QRICH1: variants seen among roughly 807,000 people sequenced by gnomAD.
QRICH1 encodes transcriptional regulator QRICH1.
A neutral mutation model predicts 87.1 loss-of-function variants in QRICH1; 16 were observed. The ratio of observed to expected loss-of-function variants is 0.18; its 90% CI spans 0.12 to 0.28. QRICH1 has a LOEUF of 0.28. Ranked by LOEUF, QRICH1 falls within the 10% of genes least tolerant of loss-of-function variation. The pLI, the probability that QRICH1 is intolerant of heterozygous loss-of-function variation, is 1.00. For synonymous variants in QRICH1, 367 were observed against 368.4 expected (o/e 1.00, Z 0.05); for missense variants, 647 against 951.7 (o/e 0.68, Z 4.21).
chr3:49,038,217 C>A (rs560836550), intron 6 of QRICH1, among the ~76,000 whole-genome samples: 1 of 151,612 alleles, frequency 6.6e-6, no homozygotes, highest in Non-Finnish European at 1.5e-5. Context: ...CTCACCACCA[C>A]GCCCAGCTAA....
chr3:49,047,361 T>A, intron 3 of QRICH1, 115 bp from the exon 4 acceptor site: 2 of 1,009,302 alleles, frequency 2.0e-6, no homozygotes, highest in Non-Finnish European at 2.8e-6. Flanking sequence ...ATTTCTCTAC[T>A]CATTGCTGTC....
Position 49,057,711 on chromosome 3 carries a change from C to T in QRICH1, c.489G>A (p.Gln163=), listed in dbSNP as rs753242932. The change falls in exon 3 of 10, where the codon CAG becomes CAA. Residue 163 remains glutamine, a synonymous_variant. Coordinates refer to ENST00000395443, the MANE Select transcript of QRICH1 (RefSeq NM_198880.3). This position sits in a 1 kb window ranked among gnomAD's most constrained non-coding sequence, Gnocchi z 5.4. ...GCACCTGGATCTGAGCTGCTTGCAGCTGCGAGGGACTGGGACTCTGCAGAG... is the reference window on the plus strand; with the variant it reads ...GCACCTGGATCTGAGCTGCTTGCAGTTGCGAGGGACTGGGACTCTGCAGAG... ...TPSLQSPSPS[Q]LQAAQIQVQH... is the part of the protein sequence containing the mutation. The T allele has an allele frequency of 2.1e-5, 34 of 1,614,078 alleles. No homozygotes were observed. Among genetic ancestry groups the T allele is most frequent in the Non-Finnish European group, 2.9e-5 (34 of 1,180,038 alleles).
chr3:49,076,857 A>G lies in QRICH1; in HGVS notation c.161T>C (p.Val54Ala), dbSNP rs2106983116. 1 of 1,613,974 alleles carries G rather than the reference A, an allele frequency of 6.2e-7. No homozygotes were observed. The highest frequency in any genetic ancestry group is 2.2e-5 in the East Asian group (1 of 44,866). ...TATGCAGTTCCCACCCTGTTGGTAC[A>G]CCATGGTAGTGGTGGCTGTCTGCTG... ...EFQQTATTTM[V>A]YQQGGNCIYT... Residue 54 changes from valine to alanine, a missense_variant, in exon 2 of 10, where the codon GTG becomes GCG. Val to Ala is a moderately conservative substitution (Grantham distance 64, BLOSUM62 0). Around this residue, in one of 7 missense-constraint regions of QRICH1, gnomAD observed 56 missense variants for 109.6 expected, o/e 0.51. Coordinates refer to ENST00000395443, the MANE Select transcript of QRICH1 (RefSeq NM_198880.3).
intron 2 of QRICH1, chr3:49,058,105 G>A (rs1478706054): frequency 1.0e-5 from 8 of 784,522 alleles, no homozygotes; most frequent in South Asian, 7.9e-5. Flanking sequence ...CCACCCCAGA[G>A]AGCAAGCAAG....
At chr3:49,038,676 C>CA (rs925894894) in intron 6 of QRICH1, among the ~76,000 whole-genome samples, 3 of 152,174 alleles carry the variant, frequency 2.0e-5, no homozygotes, top group Non-Finnish European at 4.4e-5. Context: ...CTCAGCCTCA[C>CA]AAAGTGCTGG....
intron 1 of QRICH1, among the ~76,000 whole-genome samples, chr3:49,093,006 T>A (rs775621181): frequency 6.6e-6 from 1 of 152,214 alleles, no homozygotes; most frequent in Non-Finnish European, 1.5e-5. Context: ...GGAGTTCACA[T>A]GGGCCACATA....
intron 1 of QRICH1, among the ~76,000 whole-genome samples, chr3:49,090,961 G>A (rs1048740103): frequency 2.6e-5 from 4 of 152,188 alleles, no homozygotes; most frequent in South Asian, 2.1e-4. Context: ...GGTGGCTCAC[G>A]CCTGTAATCC....
intron 7 of QRICH1, 58 bp from the exon 8 acceptor site, chr3:49,032,831 C>T (rs2093250328): frequency 1.3e-6 from 2 of 1,543,896 alleles, no homozygotes; most frequent in African/African-American, 2.8e-5. Context: ...TACCATGACT[C>T]ATCCTCTGCC....
chr3:49,053,881 T>G (rs2093386272), intron 3 of QRICH1, among the ~76,000 whole-genome samples: 2 of 152,196 alleles, frequency 1.3e-5, no homozygotes, highest in African/African-American at 2.4e-5. Context: ...CTTGACTGTC[T>G]TCTGCATGTG....
chr3:49,050,240 C>T (rs2093362371), intron 3 of QRICH1, among the ~76,000 whole-genome samples: 1 of 77,588 alleles, frequency 1.3e-5, no homozygotes, highest in Non-Finnish European at 2.4e-5. Flanking sequence ...AAGAGCGGGA[C>T]TCCGTCTCAA....
rs561032868 is a variant in QRICH1, at chr3:49,088,318, G to A, written c.-22+5594C>T. ...CTTTGTATTTTTATTTTTTTGAGAC[G>A]AAGTCTCGTTTTCTCACCCAGGATG... On this transcript the variant is annotated intron_variant, in intron 1 of 9. Coordinates refer to ENST00000395443, the MANE Select transcript of QRICH1 (RefSeq NM_198880.3). Among the ~76,000 whole-genome samples, 431 of 151,668 alleles carry A rather than the reference G, an allele frequency of 2.8e-3. 7 individuals are homozygous for A. In the Middle Eastern group the frequency reaches 0.038, roughly 13 times the overall value.
Position 49,030,130 on chromosome 3 carries a change from G to C in QRICH1, c.*322C>G, listed in dbSNP as rs1321739332. Reference sequence around the variant, plus strand: ...CATCATTAATTCCATCTCTCTTGAAGATGGAAAGGGGCCACATTTCTTTTC... The same window carrying C: ...CATCATTAATTCCATCTCTCTTGAACATGGAAAGGGGCCACATTTCTTTTC... On this transcript the variant is annotated 3_prime_UTR_variant, in exon 10 of 10. Transcript: ENST00000395443. 1 of 424,530 alleles carries C rather than the reference G, an allele frequency of 2.4e-6. No homozygotes were observed. The highest frequency in any genetic ancestry group is 4.2e-6 in the Non-Finnish European group (1 of 240,288). 26.3% of individuals were successfully genotyped at this position (424,530 alleles called of 1,614,324 possible).
At chr3:49,086,405 C>T (rs1020965881) in intron 1 of QRICH1, among the ~76,000 whole-genome samples, 1 of 151,878 alleles carries the variant, frequency 6.6e-6, no homozygotes, top group African/African-American at 2.4e-5. Context: ...TACAGGCACC[C>T]ACCACCACGC....
chr3:49,040,499 T>C (rs1427164234), intron 6 of QRICH1, among the ~76,000 whole-genome samples: 1 of 152,140 alleles, frequency 6.6e-6, no homozygotes, highest in Non-Finnish European at 1.5e-5. Context: ...TACTTATTTA[T>C]ACACTGTCTT....
chr3:49,047,277 A>T lies in QRICH1; in HGVS notation c.1339-31T>A. 2.5e-6 allele frequency: 4 copies of T among 1,575,618 alleles called. No individual in the cohort carries two copies. In the South Asian group the frequency reaches 4.6e-5, roughly 18 times the overall value. On this transcript the variant is annotated intron_variant, in intron 3 of 9. Transcript: ENST00000395443. ...GGAGAGAAACCATGAAAATGTGTCA[A>T]TATTGTTTTATATTAGATCCTTCTG...
intron 3 of QRICH1, among the ~76,000 whole-genome samples, chr3:49,050,248 C>CAAAAAAAAAAAAAAAAAA (rs527597101): frequency 2.1e-4 from 11 of 52,414 alleles, no homozygotes; most frequent in South Asian, 6.4e-4. Context: ...GACTCCGTCT[C>CAAAAAAAAAAAAAAAAAA]AAAAAAAAAA....
At chr3:49,093,251 G>A (rs1185656208) in intron 1 of QRICH1, 1 of 152,180 alleles carries the variant, frequency 6.6e-6, no homozygotes, top group Non-Finnish European at 1.5e-5. Flanking sequence ...CACCCGCACC[G>A]TACTTGGGCC....
At position 49,069,998 on chromosome 3, in the gene QRICH1, C is replaced by G. The variant is rs561507912; in HGVS notation, c.309+6711G>C. On this transcript the variant is annotated intron_variant, in intron 2 of 9. Transcript: ENST00000395443. ...TTAGGGCACTCTAAGAACTGCCCCA[C>G]TTTCCCCAAAAGTTCTTTCCTACAC... Among the ~76,000 whole-genome samples, 27 of 152,102 alleles carry G rather than the reference C, an allele frequency of 1.8e-4. No individual in the cohort carries two copies. The East Asian group carries it at 3.1e-3, about 17-fold the overall frequency.
chr3:49,069,097 TA>T lies in QRICH1; in HGVS notation c.309+7611del, dbSNP rs1371399774. 6.9e-5 allele frequency among the ~76,000 whole-genome samples: 6 copies of T among 86,446 alleles called. No homozygotes were observed. In the East Asian group the frequency reaches 5.1e-3, roughly 74 times the overall value. The allele number at this position is 86,446 out of a possible 152,430, so 56.7% of individuals were successfully genotyped here. On this transcript the variant is annotated intron_variant, in intron 2 of 9. Coordinates refer to ENST00000395443, the MANE Select transcript of QRICH1 (RefSeq NM_198880.3). ...CAAGTAGAAAATTTATTATTATTAT[TA>T]TTATTATTATTTTTTTTTTTTTTTT...
Sources: gnomAD v4.1 joint callset for allele counts (sites outside exome capture counted in the v4.1 genomes callset) on GRCh38, gnomAD v4.1.1 for gene constraint, gnomAD v4.1.1 regional missense constraint, Gnocchi (gnomAD v3.1) non-coding constraint, MANE v1.5 for transcripts, NCBI Gene and HGNC (gene_info 2026-07-23, HGNC 2026-07-21) for gene names.